Variants in SLC1A3 observed in about 807,000 individuals in gnomAD.
SLC1A3 encodes the protein solute carrier family 1 member 3, also known as excitatory amino acid transporter 1.
In SLC1A3, 21 loss-of-function variants were observed where a neutral mutation model predicts 48.1. That is an observed-to-expected ratio of 0.44 (90% CI 0.31 to 0.63). The LOEUF is 0.63. SLC1A3 is among the 20% of genes least tolerant of loss of function. The probability of loss-of-function intolerance (pLI) is 0.08; values close to 1 mark genes in which losing one functional copy is unlikely to be tolerated. For missense variants in SLC1A3, 546 were observed against 689.0 expected (o/e 0.79, Z 2.32); for synonymous variants, 239 against 251.4 (o/e 0.95, Z 0.47).
In SLC1A3 at chr5:36,686,459, C is replaced by T; in HGVS notation, c.*190C>T. ...GTGGCCAAAGTGTACAATTTTCATC[C>T]CACAATTGAAATTTTTAAATCATTT... On this transcript the variant is annotated 3_prime_UTR_variant, in exon 10 of 10. Transcript: ENST00000265113. 1.7e-6 allele frequency: 1 copy of T among 604,458 alleles called. No individual in the cohort carries two copies. The highest frequency in any genetic ancestry group is 2.8e-5 in the East Asian group (1 of 35,546). The allele number at this position is 604,458 out of a possible 1,614,324, so 37.4% of individuals were successfully genotyped here.
At chr5:36,599,091 A>C (rs1226804858) in intron 1 of SLC1A3, among the ~76,000 whole-genome samples, 1 of 152,212 alleles carries the variant, frequency 6.6e-6, no homozygotes, top group Admixed American at 6.5e-5. Flanking sequence ...CTCAAATCCT[A>C]CTAACTCTAT....
upstream of SLC1A3, among the ~76,000 whole-genome samples, chr5:36,602,816 C>G (rs60852665): frequency 9.5e-3 from 1,441 of 152,264 alleles, 29 homozygotes; most frequent in African/African-American, 0.032. Flanking sequence ...CATCAGAGGT[C>G]AAAACAGAAG....
chr5:36,673,361 C>T (rs1055347587), intron 4 of SLC1A3, among the ~76,000 whole-genome samples: 3 of 152,108 alleles, frequency 2.0e-5, no homozygotes, highest in Non-Finnish European at 4.4e-5. Flanking sequence ...TAAATGGGTG[C>T]CATGACTTGG....
Position 36,686,264 on chromosome 5 carries a change from A to G in SLC1A3, c.1624A>G (p.Met542Val). Reference protein sequence around the residue: ...TEKPIDSETKM With the variant: ...TEKPIDSETKV ...GAAACCCATCGACAGTGAAACCAAG[A>G]TGTAGACTAACATAAAGAAACACTT... Residue 542 changes from methionine to valine, a missense_variant, in exon 10 of 10, where the codon ATG becomes GTG. Physicochemically the swap from Met to Val is conservative, Grantham distance 21. Transcript: ENST00000265113. The G allele has an allele frequency of 6.8e-6, 11 of 1,609,192 alleles. No individual in the cohort carries two copies. Among genetic ancestry groups the G allele is most frequent in the Non-Finnish European group, 8.5e-6 (10 of 1,175,392 alleles).
chr5:36,662,177 C>T (rs1741540263), intron 3 of SLC1A3, among the ~76,000 whole-genome samples: 1 of 152,188 alleles, frequency 6.6e-6, no homozygotes, highest in Non-Finnish European at 1.5e-5. Context: ...AATTCACCTA[C>T]TTTTCCCGCC....
chr5:36,653,447 C>T (rs532175845), intron 3 of SLC1A3, among the ~76,000 whole-genome samples: 1 of 152,226 alleles, frequency 6.6e-6, no homozygotes, highest in African/African-American at 2.4e-5. Context: ...TCTGACAACA[C>T]CACTACTAAA....
chr5:36,611,725 T>C (rs1042087185), intron 2 of SLC1A3, among the ~76,000 whole-genome samples: 1 of 152,164 alleles, frequency 6.6e-6, no homozygotes, highest in South Asian at 2.1e-4. Context: ...AAAACCACAC[T>C]GGGAAGAGTG....
chr5:36,611,767 T>C (rs1447869154), intron 2 of SLC1A3, among the ~76,000 whole-genome samples: 1 of 152,190 alleles, frequency 6.6e-6, no homozygotes, highest in Non-Finnish European at 1.5e-5. Context: ...GAAAGAAATT[T>C]CTCCCTTTGG....
intron 2 of SLC1A3, among the ~76,000 whole-genome samples, chr5:36,617,727 C>G (rs1038496641): frequency 1.3e-5 from 2 of 152,030 alleles, no homozygotes; most frequent in African/African-American, 4.8e-5. Flanking sequence ...TTCCTTAGCA[C>G]GTAGAAAGGC....
intron 8 of SLC1A3, among the ~76,000 whole-genome samples, chr5:36,682,570 T>G (rs1255908362): frequency 6.6e-6 from 1 of 152,174 alleles, no homozygotes; most frequent in Non-Finnish European, 1.5e-5. Context: ...ACAAGCAAGA[T>G]AGAAATATAT....
upstream of SLC1A3, among the ~76,000 whole-genome samples, chr5:36,604,712 A>G (rs1201572622): frequency 6.6e-6 from 1 of 152,190 alleles, no homozygotes; most frequent in East Asian, 1.9e-4. Context: ...AGTGAAAAAG[A>G]AAGGGCACCA....
rs746490147 is a variant in SLC1A3 at position 36,677,191 on chromosome 5, A to G, written c.860+7A>G. On this transcript the variant is annotated splice_region_variant and intron_variant, in intron 6 of 9. Coordinates refer to ENST00000265113, the MANE Select transcript of SLC1A3 (RefSeq NM_004172.5). ...TGGTAGCAGTAATAATGTGGTATGT[A>G]TTTCCATTTTCTATATATGTTATAT... 6.2e-7 allele frequency: 1 copy of G among 1,610,198 alleles called. No homozygotes were observed. The highest frequency in any genetic ancestry group is 8.5e-7 in the Non-Finnish European group (1 of 1,176,524).
At chr5:36,602,730 G>T (rs1158211775), upstream of SLC1A3, among the ~76,000 whole-genome samples, 1 of 152,178 alleles carries the variant, frequency 6.6e-6, no homozygotes, top group African/African-American at 2.4e-5. Context: ...ATTTGGGGGG[G>T]TTCCTCTTGC....
In SLC1A3 at chr5:36,680,402, A is replaced by AC; in HGVS notation, c.1105dup (p.Leu369ProfsTer30). The AC allele has an allele frequency of 2.5e-6, 4 of 1,614,068 alleles. No homozygotes were observed. The highest frequency in any genetic ancestry group is 3.4e-6 in the Non-Finnish European group (4 of 1,179,964). On this transcript the variant is annotated frameshift_variant, in exon 8 of 10. Coordinates refer to ENST00000265113, the MANE Select transcript of SLC1A3 (RefSeq NM_004172.5). LOFTEE classifies it high-confidence loss of function. ...CTATTTCACTGTTCTCAGTTCTGCC[A>AC]CCCTACCCATCACCTTCAAGTGCCT...
In SLC1A3 at chr5:36,618,924, G is replaced by A. The variant is rs535646337; in HGVS notation, c.181+10320G>A. On this transcript the variant is annotated intron_variant, in intron 2 of 9. Coordinates refer to ENST00000265113, the MANE Select transcript of SLC1A3 (RefSeq NM_004172.5). Reference sequence around the variant, plus strand: ...GTAAATTAAATTACCACTTCACATAGCCTTTTTTGGTGCAGTTTTTGGAAG... The same window carrying A: ...GTAAATTAAATTACCACTTCACATAACCTTTTTTGGTGCAGTTTTTGGAAG... 3.3e-5 allele frequency among the ~76,000 whole-genome samples: 5 copies of A among 152,278 alleles called. No homozygotes were observed. In the South Asian group the frequency reaches 1.0e-3, roughly 32 times the overall value.
At chr5:36,646,819 G>T (rs1030754121) in intron 3 of SLC1A3, among the ~76,000 whole-genome samples, 1 of 152,192 alleles carries the variant, frequency 6.6e-6, no homozygotes, top group South Asian at 2.1e-4. Context: ...TTTTACAATA[G>T]TACCCACAAA....
At chr5:36,671,676 C>T (rs1742002058) in intron 4 of SLC1A3, among the ~76,000 whole-genome samples, 2 of 152,156 alleles carry the variant, frequency 1.3e-5, no homozygotes, top group African/African-American at 4.8e-5. Flanking sequence ...AGTTTGGTTC[C>T]AGAGGGACTT....
intron 2 of SLC1A3, among the ~76,000 whole-genome samples, chr5:36,619,511 G>A (rs369400675): frequency 7.9e-5 from 12 of 151,942 alleles, no homozygotes; most frequent in Non-Finnish European, 1.3e-4. Flanking sequence ...GTTGTGGTGC[G>A]CACCTGTAGT....
chr5:36,629,421 C>CCTTTTCTTTTTTT (rs1160831789), intron 2 of SLC1A3, 29 bp from the exon 3 acceptor site: 1 of 1,570,782 alleles, frequency 6.4e-7, no homozygotes, highest in African/African-American at 1.4e-5. Flanking sequence ...CTCAATTTTT[C>CCTTTTCTTTTTTT]TTTTTCTTTT....
Sources: allele counts gnomAD v4.1 joint callset (sites outside exome capture counted in the v4.1 genomes callset), GRCh38; gene constraint gnomAD v4.1.1; transcripts MANE v1.5; gene names NCBI Gene and HGNC (gene_info 2026-07-23, HGNC 2026-07-21).